CIRBP: variants seen among roughly 807,000 people sequenced by gnomAD.
CIRBP encodes cold-inducible RNA-binding protein.
Under a neutral mutation model 22.3 loss-of-function variants are expected in CIRBP, and 11 were observed. The observed-to-expected ratio is 0.49, with a 90% CI of 0.31 to 0.82. The LOEUF (loss-of-function observed/expected upper bound fraction) is 0.82, where lower values mean the gene tolerates loss of function less well. Among genes scored for constraint, CIRBP ranks in the 40% least tolerant of loss-of-function variants. The pLI is 0.05. For missense variants in CIRBP, 456 were observed against 402.7 expected, an observed-to-expected ratio of 1.13 and a Z score of -1.13; for synonymous variants, 216 against 158.8, an observed-to-expected ratio of 1.36 and a Z score of -2.71.
In CIRBP at chr19:1,272,155, T is replaced by A; in HGVS notation, c.606T>A (p.Cys202Ter). ...PSTLGWTLRP[C>*]HCACPEEAHL... ...CTTTAGGCTGGACACTCAGACCTTG[T>A]CACTGTGCTTGCCCAGAAGAGGCGC... Residue 202 changes from cysteine (C) to a stop codon, truncating the protein, a stop_gained, in exon 6 of 6, where the codon TGT (cysteine) becomes TGA (stop). Coordinates refer to ENST00000587896, the MANE Select transcript of CIRBP (RefSeq NM_001300829.2). LOFTEE classifies it low-confidence loss of function (END_TRUNC). 1 of 1,610,250 alleles carries A rather than the reference T, an allele frequency of 6.2e-7. No individual in the cohort carries two copies. Among genetic ancestry groups the A allele is most frequent in the Non-Finnish European group, 8.5e-7 (1 of 1,178,706 alleles).
Position 1,272,549 on chromosome 19 carries a change from C to T in CIRBP, c.*106C>T, listed in dbSNP as rs1325785496. 1.2e-5 allele frequency: 12 copies of T among 993,626 alleles called. No homozygotes were observed. In the Admixed American group the frequency reaches 1.2e-4, roughly 10 times the overall value. 61.6% of individuals were successfully genotyped at this position (993,626 alleles called of 1,614,324 possible). On this transcript the variant is annotated 3_prime_UTR_variant, in exon 6 of 6. Transcript: ENST00000587896. ...GTAAATGCACCTCCTTGTATTCCCA[C>T]TTTCGTAGTCATTTCGGTTCTGATC...
rs969161666 is a variant in CIRBP, at chr19:1,274,263, G to GC, written c.*1823dup. On this transcript the variant is annotated 3_prime_UTR_variant, in exon 6 of 6. Coordinates refer to ENST00000587896, the MANE Select transcript of CIRBP (RefSeq NM_001300829.2). ...GGGAGGCCGGGAGGGGCAGCTGTGA[G>GC]CCCTGTGGAGGACGTTGGGAGTAAC... 13 of 401,048 alleles carry GC rather than the reference G, an allele frequency of 3.2e-5. No individual in the cohort carries two copies. The highest frequency in any genetic ancestry group is 5.3e-5 in the Non-Finnish European group (12 of 226,292). The allele number at this position is 401,048 out of a possible 1,614,324, so 24.8% of individuals were successfully genotyped here. A position where few individuals can be genotyped will look rare whatever the true frequency, so the allele number is the denominator to read the frequency against.
chr19:1,271,566 G>C lies in CIRBP; in HGVS notation c.365G>C (p.Gly122Ala). Residue 122 changes from glycine to alanine, a missense_variant, in exon 5 of 6, where the codon GGC (glycine) becomes GCC (alanine). Gly to Ala is a moderately conservative substitution (Grantham distance 60). Transcript: ENST00000587896. ...GTATGTGCAGGAGGAGGGGACCGAG[G>C]CTATGGGGGGAACCGGTTCGAGTCC... ...RGFSRGGGDR[G>A]YGGNRFESRS... The C allele has an allele frequency of 6.3e-7, 1 of 1,583,596 alleles. No homozygotes were observed.
rs2145536978 is a variant in CIRBP, at chr19:1,272,969, C to A, written c.*526C>A. The A allele has an allele frequency of 6.5e-6, 1 of 154,890 alleles. No homozygotes were observed. Among genetic ancestry groups the A allele is most frequent in the Admixed American group, 6.3e-5 (1 of 15,804 alleles). The allele number at this position is 154,890 out of a possible 1,614,324, so 9.6% of individuals were successfully genotyped here. ...GGCAGCAACTGCCCTGGAGCCCCAG[C>A]CCCTGCGTCCATCTGTGCTGTGCGC... On this transcript the variant is annotated 3_prime_UTR_variant, in exon 6 of 6. Transcript: ENST00000587896.
rs2081382993 is a variant in CIRBP at position 1,273,969 on chromosome 19, C to T, written c.*1526C>T. 4.4e-6 allele frequency: 1 copy of T among 225,628 alleles called. No individual in the cohort carries two copies. Among genetic ancestry groups the T allele is most frequent in the Admixed American group, 5.8e-5 (1 of 17,220 alleles). The allele number at this position is 225,628 out of a possible 1,614,324, so 14.0% of individuals were successfully genotyped here. ...AAGCAGGATTGAAGACCAGTGAACG[C>T]CCCCGCCTTTTGGATTTTTTGCTCA... is the stretch of plus-strand genomic sequence containing the variant. On this transcript the variant is annotated 3_prime_UTR_variant, in exon 6 of 6. Transcript: ENST00000587896.
chr19:1,270,379 C>T (rs1380204672), intron 1 of CIRBP: 3 of 343,606 alleles, frequency 8.7e-6, no homozygotes, highest in Admixed American at 3.8e-5. Context: ...CAGGGCACAA[C>T]TGGAAGGCTG....
intron 1 of CIRBP, 82 bp downstream of exon 1, chr19:1,269,492 G>C (rs987790354): frequency 6.6e-6 from 1 of 150,958 alleles, no homozygotes; most frequent in African/African-American, 2.4e-5. Context: ...GGGCCGCAGC[G>C]GCACGCCCCT....
chr19:1,274,052 G>C lies in CIRBP; in HGVS notation c.*1609G>C. Reference sequence around the variant, plus strand: ...CACTCTTAACTTAGCTTTCTCTGATGTCTGTTGCCGCCATTAGTTTTTTTC... The same window carrying C: ...CACTCTTAACTTAGCTTTCTCTGATCTCTGTTGCCGCCATTAGTTTTTTTC... On this transcript the variant is annotated 3_prime_UTR_variant, in exon 6 of 6. Transcript: ENST00000587896. The C allele has an allele frequency of 2.8e-6, 1 of 357,204 alleles. No individual in the cohort carries two copies. The highest frequency in any genetic ancestry group is 5.0e-6 in the Non-Finnish European group (1 of 200,032). The allele number at this position is 357,204 out of a possible 1,614,324, so 22.1% of individuals were successfully genotyped here.
chr19:1,271,530 C>A (rs4807050), intron 4 of CIRBP, 21 bp from the exon 5 acceptor site: 7 of 1,593,556 alleles, frequency 4.4e-6, no homozygotes, highest in Non-Finnish European at 6.0e-6. Context: ...AGCTGGTACT[C>A]ACTTTTTCCT....
In CIRBP at chr19:1,271,462, C is replaced by A; in HGVS notation, c.344C>A (p.Ser115Tyr). The part of the protein sequence containing the change: ...RGGRGRGRGF[S>Y]RGGGDRGYGG... ...GGCCGAGGACGGGGCCGTGGGTTCT[C>A]TAGAGGTGAGTGCCATGAGTGGGTC... Residue 115 changes from serine (S) to tyrosine (Y), a missense_variant, in exon 4 of 6, where the codon TCT (serine) becomes TAT (tyrosine). This residue lies in a region of CIRBP where 426 missense variants were observed against 339.6 expected (regional missense o/e 1.25). Coordinates refer to ENST00000587896, the MANE Select transcript of CIRBP (RefSeq NM_001300829.2). 6.2e-7 allele frequency: 1 copy of A among 1,607,892 alleles called. No individual in the cohort carries two copies. Among genetic ancestry groups the A allele is most frequent in the Non-Finnish European group, 8.5e-7 (1 of 1,177,020 alleles).
In CIRBP at chr19:1,271,470, G is replaced by A. The variant is rs777602709; in HGVS notation, c.349+3G>A. The A allele has an allele frequency of 2.5e-6, 4 of 1,605,150 alleles. No individual in the cohort carries two copies. The highest frequency in any genetic ancestry group is 3.4e-6 in the Non-Finnish European group (4 of 1,175,594). On this transcript the variant is annotated splice_donor_region_variant and intron_variant, in intron 4 of 5. Coordinates refer to ENST00000587896, the MANE Select transcript of CIRBP (RefSeq NM_001300829.2). ...ACGGGGCCGTGGGTTCTCTAGAGGT[G>A]AGTGCCATGAGTGGGTCCCTTGGGG...
At chr19:1,271,840 A>G in intron 5 of CIRBP, 141 bp from the exon 6 acceptor site, 3 of 793,876 alleles carry the variant, frequency 3.8e-6, no homozygotes, top group South Asian at 1.7e-5. Flanking sequence ...ATTTTGAACA[A>G]TTTCCAAGAT....
At position 1,272,174 on chromosome 19, in the gene CIRBP, G is replaced by C; in HGVS notation, c.625G>C (p.Glu209Gln). The change falls in exon 6 of 6, where the codon GAG becomes CAG. Residue 209 changes from glutamate (E) to glutamine (Q), a missense_variant. By Grantham distance (29) the Glu-to-Gln change is conservative. Around this residue, in one of 2 missense-constraint regions of CIRBP, gnomAD observed 426 missense variants for 339.6 expected, o/e 1.25. Transcript: ENST00000587896. The part of the protein sequence containing the change: ...LRPCHCACPE[E>Q]AHLSSQSHFY... Reference sequence around the variant, plus strand: ...ACCTTGTCACTGTGCTTGCCCAGAAGAGGCGCATCTGTCCTCTCAGAGCCA... The same window carrying C: ...ACCTTGTCACTGTGCTTGCCCAGAACAGGCGCATCTGTCCTCTCAGAGCCA... 1 of 1,603,524 alleles carries C rather than the reference G, an allele frequency of 6.2e-7. No homozygotes were observed.
intron 1 of CIRBP, chr19:1,269,777 TC>T (rs756606598): frequency 8.4e-6 from 4 of 478,930 alleles, no homozygotes; most frequent in Admixed American, 6.3e-5. Flanking sequence ...AGGGCCGCTT[TC>T]CCGGCCTTGG....
In CIRBP at chr19:1,272,352, C is replaced by T; in HGVS notation, c.803C>T (p.Pro268Leu). The T allele has an allele frequency of 6.2e-7, 1 of 1,612,192 alleles. No individual in the cohort carries two copies. The highest frequency in any genetic ancestry group is 8.5e-7 in the Non-Finnish European group (1 of 1,179,290). ...TTGCTCCCCGGCCGCAGGCCGCGCC[C>T]TGGTCTGGCCTCTGGGGTGAAGCTG... ...GWLLPGRRPR[P>L]GLASGVKLPL... The change falls in exon 6 of 6, where the codon CCT becomes CTT. Residue 268 changes from proline to leucine, a missense_variant. Physicochemically the swap from Pro to Leu is moderately conservative, Grantham distance 98. Coordinates refer to ENST00000587896, the MANE Select transcript of CIRBP (RefSeq NM_001300829.2).
At chr19:1,270,569 A>G (rs2081322313) in intron 1 of CIRBP, among the ~76,000 whole-genome samples, 1 of 151,942 alleles carries the variant, frequency 6.6e-6, no homozygotes, top group African/African-American at 2.4e-5. Flanking sequence ...GGAGTTTCAG[A>G]CCAGCCTGGG....
Position 1,273,158 on chromosome 19 carries a change from A to G in CIRBP, c.*715A>G, listed in dbSNP as rs1225694466. 6.6e-5 allele frequency: 10 copies of G among 152,250 alleles called. No individual in the cohort carries two copies. 9.4% of individuals were successfully genotyped at this position (152,250 alleles called of 1,614,324 possible). On this transcript the variant is annotated 3_prime_UTR_variant, in exon 6 of 6. Coordinates refer to ENST00000587896, the MANE Select transcript of CIRBP (RefSeq NM_001300829.2). ...TTGGCTTTACGAAGCCGATTAAAAG[A>G]CCGTGTGAAATGAACCTTGCTCTGA... is the stretch of plus-strand genomic sequence containing the variant.
At position 1,271,285 on chromosome 19, in the gene CIRBP, G is replaced by A. The variant is rs1377205587; in HGVS notation, c.210+39G>A. 3 of 1,614,036 alleles carry A rather than the reference G, an allele frequency of 1.9e-6. No homozygotes were observed. The South Asian group carries it at 3.3e-5, about 18-fold the overall frequency. On this transcript the variant is annotated intron_variant, in intron 3 of 5. Transcript: ENST00000587896. ...TGCTGAGCAGGAGTCCCGTCTCGAG[G>A]ATGGGGCACCCACCTGCTAACCCGT...
chr19:1,273,789 CTG>C lies in CIRBP; in HGVS notation c.*1349_*1350del, dbSNP rs1188996575. The C allele has an allele frequency of 6.6e-6, 1 of 152,418 alleles. No homozygotes were observed. The highest frequency in any genetic ancestry group is 1.5e-5 in the Non-Finnish European group (1 of 68,206). 9.4% of individuals were successfully genotyped at this position (152,418 alleles called of 1,614,324 possible). A position where few individuals can be genotyped will look rare whatever the true frequency, so the allele number is the denominator to read the frequency against. On this transcript the variant is annotated 3_prime_UTR_variant, in exon 6 of 6. Transcript: ENST00000587896. ...AAAGTCATGTGCCCGGGGAATGTTC[CTG>C]TGACTGTTTTTTGTTTTTCCTTTTT...
Sources: gnomAD v4.1 joint callset for allele counts (sites outside exome capture counted in the v4.1 genomes callset) on GRCh38, gnomAD v4.1.1 for gene constraint, gnomAD v4.1.1 regional missense constraint, MANE v1.5 for transcripts, NCBI Gene and HGNC (gene_info 2026-07-23, HGNC 2026-07-21) for gene names.